Variants in LRP1B observed in about 807,000 individuals in gnomAD.
LRP1B encodes low-density lipoprotein receptor-related protein 1B.
A neutral mutation model predicts 556.6 loss-of-function variants in LRP1B; 217 were observed. The ratio of observed to expected loss-of-function variants is 0.39; its 90% CI spans 0.35 to 0.44. LRP1B has a LOEUF of 0.44. Among genes scored for constraint, LRP1B ranks in the 20% least tolerant of loss-of-function variants. The probability of loss-of-function intolerance (pLI) is 1.00; values close to 1 mark genes in which losing one functional copy is unlikely to be tolerated. For synonymous variants in LRP1B, 2,047 were observed against 1,865.8 expected, an observed-to-expected ratio of 1.10 and a Z score of -2.50; for missense variants, 5,053 against 5,620.8, an observed-to-expected ratio of 0.90 and a Z score of 3.23.
intron 7 of LRP1B, among the ~76,000 whole-genome samples, chr2:141,186,878 G>A (rs1448385381): frequency 6.6e-6 from 1 of 151,984 alleles, no homozygotes; most frequent in Non-Finnish European, 1.5e-5. Flanking sequence ...AGGGCCTCTG[G>A]ATCTTTGTTT....
intron 20 of LRP1B, among the ~76,000 whole-genome samples, chr2:140,933,077 T>G (rs1019822234): frequency 6.6e-6 from 1 of 152,044 alleles, no homozygotes; most frequent in East Asian, 1.9e-4. Context: ...AAAAAGGTTT[T>G]GGATGTACAT....
intron 2 of LRP1B, among the ~76,000 whole-genome samples, chr2:141,699,444 C>T (rs926027891): frequency 6.6e-6 from 1 of 151,808 alleles, no homozygotes; most frequent in Non-Finnish European, 1.5e-5. Context: ...AACCCAATGA[C>T]TAATCACTCC....
chr2:141,580,929 T>A (rs1402030085), intron 2 of LRP1B, among the ~76,000 whole-genome samples: 2 of 152,230 alleles, frequency 1.3e-5, no homozygotes, highest in African/African-American at 4.8e-5. Context: ...AGAGCACAGA[T>A]AAACTCATCA....
At chr2:140,632,859 C>A (rs1683937575) in intron 41 of LRP1B, among the ~76,000 whole-genome samples, 1 of 151,958 alleles carries the variant, frequency 6.6e-6, no homozygotes, top group African/African-American at 2.4e-5. Flanking sequence ...GTCAGGAGAT[C>A]GAGACCATCC....
At chr2:141,053,833 T>TGTGTGTGTGTGTGTGTGTGTGA in intron 10 of LRP1B, among the ~76,000 whole-genome samples, 1 of 151,662 alleles carries the variant, frequency 6.6e-6, no homozygotes, top group Middle Eastern at 3.4e-3. Context: ...TATATATGTG[T>TGTGTGTGTGTGTGTGTGTGTGA]GTGTGTGTGT....
chr2:141,512,334 T>A (rs895128824), intron 2 of LRP1B, among the ~76,000 whole-genome samples: 34 of 152,162 alleles, frequency 2.2e-4, no homozygotes, highest in African/African-American at 8.0e-4. Flanking sequence ...CACACAGCCA[T>A]TCACATTTTC....
chr2:140,454,234 C>T lies in LRP1B; in HGVS notation c.9963+2221G>A, dbSNP rs183296824. Among the ~76,000 whole-genome samples, 1,035 of 152,192 alleles carry T rather than the reference C, an allele frequency of 6.8e-3. 5 individuals are homozygous for T. Among genetic ancestry groups the T allele is most frequent in the Middle Eastern group, 0.031 (9 of 294 alleles). Reference sequence around the variant, plus strand: ...CATGATCTTGGCTCACTTCAGCCTCCGCCTTCTGGGTTCAAGCAATTCTCA... The same window carrying T: ...CATGATCTTGGCTCACTTCAGCCTCTGCCTTCTGGGTTCAAGCAATTCTCA... On this transcript the variant is annotated intron_variant, in intron 62 of 90. Coordinates refer to ENST00000389484, the MANE Select transcript of LRP1B (RefSeq NM_018557.3).
chr2:141,057,400 G>A (rs1699206686), intron 9 of LRP1B, among the ~76,000 whole-genome samples: 3 of 151,736 alleles, frequency 2.0e-5, no homozygotes, highest in African/African-American at 4.8e-5. Flanking sequence ...CTCTCCTCAT[G>A]GCTTTTGTGC....
At chr2:141,576,128 A>G (rs1049848865) in intron 2 of LRP1B, among the ~76,000 whole-genome samples, 1 of 152,238 alleles carries the variant, frequency 6.6e-6, no homozygotes, top group Non-Finnish European at 1.5e-5. Flanking sequence ...ATTCTACTAT[A>G]AAGACACATG....
In LRP1B at chr2:140,447,300, C is replaced by T. The variant is rs530981656; in HGVS notation, c.10058-2621G>A. On this transcript the variant is annotated intron_variant, in intron 63 of 90. Coordinates refer to ENST00000389484, the MANE Select transcript of LRP1B (RefSeq NM_018557.3). ...TAGTGACCATACGGTCCAGCAATCC[C>T]ACTACTAGATATACACAGGCATACC... is the stretch of plus-strand genomic sequence containing the variant. 7.9e-5 allele frequency among the ~76,000 whole-genome samples: 12 copies of T among 152,088 alleles called. No individual in the cohort carries two copies. In the East Asian group the frequency reaches 2.3e-3, roughly 29 times the overall value.
In LRP1B at chr2:140,278,036, AACACAC is replaced by A. The variant is rs34699867; in HGVS notation, c.12968-3444_12968-3439del. ...TTATACAATAAAATGCACATATACA[AACACAC>A]ACACACACACACACAAAATGCAGCT... On this transcript the variant is annotated intron_variant, in intron 84 of 90. Coordinates refer to ENST00000389484, the MANE Select transcript of LRP1B (RefSeq NM_018557.3). Among the ~76,000 whole-genome samples, 51 of 150,448 alleles carry A rather than the reference AACACAC, an allele frequency of 3.4e-4. 1 individual carries two copies. The highest frequency in any genetic ancestry group is 5.6e-4 in the African/African-American group (23 of 41,254).
In LRP1B at chr2:140,701,715, G is replaced by A. The variant is rs767930860; in HGVS notation, c.6427+6C>T. ...ACATATTATGTATTCTTTCAAGAGT[G>A]CTGACCTTTCTCTCTTACTCGGTTA... On this transcript the variant is annotated splice_donor_region_variant and intron_variant, in intron 40 of 90. Coordinates refer to ENST00000389484, the MANE Select transcript of LRP1B (RefSeq NM_018557.3). 6.2e-7 allele frequency: 1 copy of A among 1,611,180 alleles called. No homozygotes were observed. The highest frequency in any genetic ancestry group is 8.5e-7 in the Non-Finnish European group (1 of 1,178,318).
chr2:140,700,165 G>T (rs76186254), intron 41 of LRP1B, 85 bp downstream of exon 41: 2 of 1,199,250 alleles, frequency 1.7e-6, no homozygotes, highest in Non-Finnish European at 2.4e-6. Flanking sequence ...AAATGTAATT[G>T]CTACATGCAA....
intron 6 of LRP1B, among the ~76,000 whole-genome samples, chr2:141,200,284 A>T (rs1208218655): frequency 6.6e-6 from 1 of 152,192 alleles, no homozygotes; most frequent in Non-Finnish European, 1.5e-5. Flanking sequence ...TATCCTTTGC[A>T]GTAACATGAA....
chr2:142,020,953 G>A (rs1703308389), intron 1 of LRP1B, among the ~76,000 whole-genome samples: 1 of 152,178 alleles, frequency 6.6e-6, no homozygotes, highest in Admixed American at 6.5e-5. Flanking sequence ...TTGCAAAGTT[G>A]CAAGATCTAC....
chr2:140,847,220 T>C (rs1423914904), intron 29 of LRP1B, among the ~76,000 whole-genome samples: 1 of 152,110 alleles, frequency 6.6e-6, no homozygotes, highest in African/African-American at 2.4e-5. Context: ...CCCATAGAAC[T>C]CTCTACTAAA....
intron 3 of LRP1B, among the ~76,000 whole-genome samples, chr2:141,431,339 G>A (rs2104984691): frequency 6.6e-6 from 1 of 152,138 alleles, no homozygotes; most frequent in South Asian, 2.1e-4. Flanking sequence ...CATACGGACT[G>A]AGAAAGACTT....
At chr2:140,590,085 TTTAA>T (rs1156696040) in intron 43 of LRP1B, among the ~76,000 whole-genome samples, 1 of 152,014 alleles carries the variant, frequency 6.6e-6, no homozygotes, top group African/African-American at 2.4e-5. Flanking sequence ...AATAAAAATG[TTTAA>T]TTAAAAATTC....
chr2:140,660,536 A>G lies in LRP1B; in HGVS notation c.6799+39714T>C, dbSNP rs1685055099. Among the ~76,000 whole-genome samples, 5 of 152,116 alleles carry G rather than the reference A, an allele frequency of 3.3e-5. No individual in the cohort carries two copies. The South Asian group carries it at 1.0e-3, about 31-fold the overall frequency. ...ATCTATCAAAGCCATTTTTCTTCCA[A>G]AGAGCTCCTTTTCATATCTCCCAAA... On this transcript the variant is annotated intron_variant, in intron 41 of 90. Coordinates refer to ENST00000389484, the MANE Select transcript of LRP1B (RefSeq NM_018557.3).
Sources: allele counts gnomAD v4.1 joint callset (sites outside exome capture counted in the v4.1 genomes callset), GRCh38; gene constraint gnomAD v4.1.1; transcripts MANE v1.5; gene names NCBI Gene and HGNC (gene_info 2026-07-23, HGNC 2026-07-21).